CUBN: variants seen among roughly 807,000 people sequenced by gnomAD.
The protein encoded by CUBN is cubilin.
In CUBN, 282 loss-of-function variants were observed where a neutral mutation model predicts 405.3. That is an observed-to-expected ratio of 0.70 (90% confidence interval 0.63 to 0.77). The LOEUF (loss-of-function observed/expected upper bound fraction) is 0.77. Ranked by LOEUF, CUBN falls within the 30% of genes least tolerant of loss-of-function variation. The probability of loss-of-function intolerance (pLI) is 0.00; values close to 1 mark genes in which losing one functional copy is unlikely to be tolerated. For missense variants in CUBN, 4,514 were observed against 4,475.2 expected (o/e 1.01, Z -0.25); for synonymous variants, 1,684 against 1,617.0 (o/e 1.04, Z -0.99).
At chr10:16,862,938 T>C (rs1245214945) in intron 59 of CUBN, among the ~76,000 whole-genome samples, 9 of 152,232 alleles carry the variant, frequency 5.9e-5, no homozygotes, top group Admixed American at 2.6e-4. Flanking sequence ...CACAATACCA[T>C]GTGGTTTTAT....
chr10:16,979,088 C>T (rs990679753), intron 31 of CUBN, among the ~76,000 whole-genome samples: 9 of 152,034 alleles, frequency 5.9e-5, no homozygotes, highest in African/African-American at 1.2e-4. Flanking sequence ...AACTCCCATT[C>T]ACAATTGCTA....
At chr10:17,087,559 T>C (rs1836148755) in intron 15 of CUBN, among the ~76,000 whole-genome samples, 1 of 136,214 alleles carries the variant, frequency 7.3e-6, no homozygotes, top group African/African-American at 2.7e-5. Flanking sequence ...CACTGCAACC[T>C]CCGCCTCCCG....
intron 48 of CUBN, among the ~76,000 whole-genome samples, chr10:16,910,822 AT>A (rs1221949929): frequency 6.6e-6 from 1 of 151,976 alleles, no homozygotes; most frequent in African/African-American, 2.4e-5. Context: ...TCAAAGATTT[AT>A]GGTAAAATAA....
At position 16,890,723 on chromosome 10, in the gene CUBN, T is replaced by G. The variant is rs1235862131; in HGVS notation, c.8599-196A>C. The stretch of plus-strand genomic sequence containing the variant: ...GTTTTTAAAATAGCATGTCCCATTC[T>G]TGACTTCTCTAAGGAGATGGTGTTC... On this transcript the variant is annotated intron_variant, in intron 54 of 66. Transcript: ENST00000377833. Among the ~76,000 whole-genome samples the G allele has an allele frequency of 2.0e-5, 3 of 152,254 alleles. No individual in the cohort carries two copies. The East Asian group carries it at 5.8e-4, about 29-fold the overall frequency.
chr10:16,869,572 G>T, intron 59 of CUBN, 64 bp downstream of exon 59: 2 of 1,131,726 alleles, frequency 1.8e-6, no homozygotes, highest in Non-Finnish European at 2.7e-6. Flanking sequence ...GGGGGGCGGG[G>T]AAATTAAATA....
chr10:16,935,233 C>A (rs1842466102), intron 39 of CUBN, among the ~76,000 whole-genome samples: 1 of 152,202 alleles, frequency 6.6e-6, no homozygotes, highest in South Asian at 2.1e-4. Flanking sequence ...TCACTGCTCA[C>A]TGGCAGCATG....
In CUBN at chr10:17,103,157, A is replaced by C. The variant is rs1169449340; in HGVS notation, c.1498T>G (p.Cys500Gly). Residue 500 changes from cysteine (C) to glycine (G), a missense_variant, in exon 13 of 67, where the codon TGC becomes GGC. Physicochemically the swap from Cys to Gly is radical, Grantham distance 159. Coordinates refer to ENST00000377833, the MANE Select transcript of CUBN (RefSeq NM_001081.4). ...PDVGYVHDVN[C>G]FWVIKTEMGK... Reference sequence around the variant, plus strand: ...ATTTCAGTTTTGATAACCCAGAAGCAGTTAACATCATGAACATAACCAACA... The same window carrying C: ...ATTTCAGTTTTGATAACCCAGAAGCCGTTAACATCATGAACATAACCAACA... 6.2e-7 allele frequency: 1 copy of C among 1,613,704 alleles called. No individual in the cohort carries two copies. The highest frequency in any genetic ancestry group is 1.1e-5 in the South Asian group (1 of 91,078).
At chr10:16,982,152 T>C (rs1833292995) in intron 31 of CUBN, among the ~76,000 whole-genome samples, 2 of 152,214 alleles carry the variant, frequency 1.3e-5, no homozygotes, top group South Asian at 4.1e-4. Flanking sequence ...CTATTGCTTC[T>C]TCCTTTTTTC....
At chr10:16,860,694 G>C (rs1839988048) in intron 59 of CUBN, among the ~76,000 whole-genome samples, 1 of 152,176 alleles carries the variant, frequency 6.6e-6, no homozygotes, top group African/African-American at 2.4e-5. Flanking sequence ...AGAAACCTTA[G>C]GAGCATTATT....
intron 64 of CUBN, among the ~76,000 whole-genome samples, chr10:16,832,956 T>A (rs1314698887): frequency 6.6e-6 from 1 of 152,114 alleles, no homozygotes; most frequent in Non-Finnish European, 1.5e-5. Flanking sequence ...TTTACAGGCC[T>A]AAGCGGTGGT....
intron 13 of CUBN, among the ~76,000 whole-genome samples, chr10:17,102,731 C>T (rs1836527428): frequency 1.3e-5 from 2 of 151,422 alleles, no homozygotes; most frequent in African/African-American, 2.4e-5. Flanking sequence ...CTCAGCCTCC[C>T]GAGTAGCTGG....
chr10:16,906,308 G>C lies in CUBN; in HGVS notation c.7807C>G (p.Leu2603Val), dbSNP rs763740778. ...GAATTTCCCTGATTTGGATTGCTGA[G>C]AGTCCATTCGCAGTTCAGGTTTCTT... ...YSRNLNCEWTLSNPNQGNSSI... is the reference protein window; with the variant it reads ...YSRNLNCEWTVSNPNQGNSSI... Residue 2603 changes from leucine (L) to valine (V), a missense_variant, in exon 50 of 67, where the codon CTC (leucine) becomes GTC (valine). By Grantham distance (32) the Leu-to-Val change is conservative. Coordinates refer to ENST00000377833, the MANE Select transcript of CUBN (RefSeq NM_001081.4). The C allele has an allele frequency of 1.2e-6, 2 of 1,613,792 alleles. No homozygotes were observed. The highest frequency in any genetic ancestry group is 1.7e-6 in the Non-Finnish European group (2 of 1,179,686).
At chr10:16,975,944 C>T (rs1246891419) in intron 31 of CUBN, among the ~76,000 whole-genome samples, 1 of 149,200 alleles carries the variant, frequency 6.7e-6, no homozygotes, top group Admixed American at 6.7e-5. Context: ...CCTTCTTTTG[C>T]TTCAATATTT....
intron 31 of CUBN, among the ~76,000 whole-genome samples, chr10:16,967,220 G>A (rs536199386): frequency 1.3e-5 from 2 of 151,974 alleles, no homozygotes; most frequent in African/African-American, 4.8e-5. Context: ...CTCATATCAC[G>A]ATGCGTTCAC....
intron 17 of CUBN, among the ~76,000 whole-genome samples, chr10:17,078,833 T>G (rs1407671417): frequency 6.6e-6 from 1 of 152,164 alleles, no homozygotes; most frequent in South Asian, 2.1e-4. Context: ...GTACCAGCCA[T>G]ACCCTCTATT....
chr10:16,992,956 C>T (rs1157559699), intron 28 of CUBN, among the ~76,000 whole-genome samples: 3 of 152,192 alleles, frequency 2.0e-5, no homozygotes, highest in Non-Finnish European at 2.9e-5. Flanking sequence ...AAAATCATCA[C>T]AGATTGTCCG....
intron 27 of CUBN, among the ~76,000 whole-genome samples, chr10:17,035,911 G>A (rs1834887170): frequency 1.3e-5 from 2 of 151,642 alleles, no homozygotes; most frequent in African/African-American, 2.4e-5. Context: ...GTGATGAAAT[G>A]ATCTGTGCAA....
At chr10:16,926,028 T>C (rs1486392331) in intron 41 of CUBN, among the ~76,000 whole-genome samples, 2 of 152,184 alleles carry the variant, frequency 1.3e-5, no homozygotes, top group Admixed American at 6.5e-5. Flanking sequence ...TTCATAAAGA[T>C]TTCTTTATAG....
intron 28 of CUBN, among the ~76,000 whole-genome samples, chr10:17,008,681 C>A (rs187650437): frequency 2.6e-5 from 4 of 152,012 alleles, no homozygotes; most frequent in African/African-American, 7.3e-5. Context: ...GTCTCATTTG[C>A]GTGGAGATCA....
Sources: allele counts gnomAD v4.1 joint callset (sites outside exome capture counted in the v4.1 genomes callset), GRCh38; gene constraint gnomAD v4.1.1; transcripts MANE v1.5; gene names NCBI Gene and HGNC (gene_info 2026-07-23, HGNC 2026-07-21).